Variants in MIPOL1 observed in about 807,000 individuals in gnomAD.
The protein encoded by MIPOL1 is mirror-image polydactyly 1.
MIPOL1 carries 57 observed loss-of-function variants against 60.9 expected under a neutral mutation model. The ratio of observed to expected loss-of-function variants is 0.94; its 90% CI spans 0.76 to 1.17. The LOEUF (loss-of-function observed/expected upper bound fraction) is 1.17, where lower values mean the gene tolerates loss of function less well. Ranked by LOEUF, MIPOL1 falls within the 50% of genes most tolerant of loss-of-function variation. The pLI, the probability that MIPOL1 is intolerant of heterozygous loss-of-function variation, is 0.00. For synonymous variants in MIPOL1, 179 were observed against 168.8 expected (o/e 1.06, Z -0.47); for missense variants, 551 against 511.6 (o/e 1.08, Z -0.74).
chr14:37,202,464 G>A (rs947260031), intron 1 of MIPOL1, among the ~76,000 whole-genome samples: 1 of 151,724 alleles, frequency 6.6e-6, no homozygotes, highest in African/African-American at 2.4e-5. Context: ...CCCACACAAA[G>A]CAATTGTGTT....
intron 9 of MIPOL1, among the ~76,000 whole-genome samples, chr14:37,327,442 C>T (rs767772272): frequency 3.3e-5 from 5 of 152,072 alleles, no homozygotes; most frequent in African/African-American, 4.8e-5. Context: ...TGCATGCCAC[C>T]ACACCCGGCT....
At chr14:37,445,151 T>A (rs995238553) in intron 11 of MIPOL1, among the ~76,000 whole-genome samples, 1 of 152,152 alleles carries the variant, frequency 6.6e-6, no homozygotes, top group Non-Finnish European at 1.5e-5. Flanking sequence ...TGTTTGCAGA[T>A]GACATGATTG....
At chr14:37,342,939 CTAGT>C (rs1410493716) in intron 9 of MIPOL1, among the ~76,000 whole-genome samples, 6 of 148,742 alleles carry the variant, frequency 4.0e-5, no homozygotes, top group East Asian at 3.9e-4. Context: ...TATTAAATCT[CTAGT>C]TATTTATTTT....
At chr14:37,539,757 A>G (rs2095522355) in intron 12 of MIPOL1, among the ~76,000 whole-genome samples, 1 of 152,186 alleles carries the variant, frequency 6.6e-6, no homozygotes, top group Admixed American at 6.5e-5. Context: ...AGAAGAGCCA[A>G]TGAGGCTCTC....
At chr14:37,292,671 G>A (rs754115425) in intron 7 of MIPOL1, among the ~76,000 whole-genome samples, 9 of 151,748 alleles carry the variant, frequency 5.9e-5, no homozygotes, top group Non-Finnish European at 1.3e-4. Context: ...AGTAGCGATG[G>A]GGTTTCGCCA....
intron 10 of MIPOL1, among the ~76,000 whole-genome samples, chr14:37,393,948 A>T (rs1289012101): frequency 6.7e-6 from 1 of 148,956 alleles, no homozygotes; most frequent in African/African-American, 2.5e-5. Context: ...ACATATGATG[A>T]TGTTTGGCTT....
intron 9 of MIPOL1, among the ~76,000 whole-genome samples, chr14:37,317,813 G>A (rs1044081765): frequency 4.6e-5 from 7 of 152,092 alleles, no homozygotes; most frequent in African/African-American, 1.7e-4. Flanking sequence ...TTATGTGGTT[G>A]TATAGGAAAA....
At position 37,369,499 on chromosome 14, in the gene MIPOL1, A is replaced by C. The variant is rs781746226; in HGVS notation, c.829-18A>C. On this transcript the variant is annotated intron_variant, in intron 9 of 12. Coordinates refer to ENST00000684589, the MANE Select transcript of MIPOL1 (RefSeq NM_001388067.1). ...TGCTATAACTCCTTTACTTAATGGGATTCTTCCCCTGTGGCAGTGCAAACG... is the reference window on the plus strand; with the variant it reads ...TGCTATAACTCCTTTACTTAATGGGCTTCTTCCCCTGTGGCAGTGCAAACG... 23 of 1,591,438 alleles carry C rather than the reference A, an allele frequency of 1.4e-5. No homozygotes were observed. In the Admixed American group the frequency reaches 3.9e-4, roughly 27 times the overall value.
chr14:37,515,657 C>T (rs186573153), intron 12 of MIPOL1, among the ~76,000 whole-genome samples: 11 of 152,230 alleles, frequency 7.2e-5, no homozygotes, highest in Non-Finnish European at 1.3e-4. Flanking sequence ...AACTAATCTG[C>T]CTTCTTAGCT....
intron 12 of MIPOL1, among the ~76,000 whole-genome samples, chr14:37,510,033 A>G (rs1012443689): frequency 1.3e-5 from 2 of 151,860 alleles, no homozygotes; most frequent in African/African-American, 2.4e-5. Flanking sequence ...CACGTAGTCT[A>G]TATAGTCTAT....
chr14:37,304,428 T>A (rs2086612536), intron 7 of MIPOL1, among the ~76,000 whole-genome samples: 2 of 151,834 alleles, frequency 1.3e-5, no homozygotes, highest in Non-Finnish European at 2.9e-5. Flanking sequence ...TTTGCATTTG[T>A]ATACTTCAGC....
intron 1 of MIPOL1, among the ~76,000 whole-genome samples, chr14:37,214,500 C>T: frequency 6.6e-6 from 1 of 151,822 alleles, no homozygotes; most frequent in East Asian, 1.9e-4. Context: ...CGAGCTGTTC[C>T]AGTATAATAA....
chr14:37,427,500 A>G (rs2153556269), intron 11 of MIPOL1, among the ~76,000 whole-genome samples: 1 of 152,286 alleles, frequency 6.6e-6, no homozygotes, highest in South Asian at 2.1e-4. Flanking sequence ...AATGGTGACA[A>G]TTGTACAATA....
At chr14:37,327,773 G>A (rs1420802696) in intron 9 of MIPOL1, among the ~76,000 whole-genome samples, 1 of 152,138 alleles carries the variant, frequency 6.6e-6, no homozygotes, top group Non-Finnish European at 1.5e-5. Context: ...CTTTTTAAAA[G>A]AAACTATTAT....
At chr14:37,523,728 C>T (rs908063248) in intron 12 of MIPOL1, among the ~76,000 whole-genome samples, 3 of 152,128 alleles carry the variant, frequency 2.0e-5, no homozygotes, top group African/African-American at 4.8e-5. Context: ...CTTGACCTCA[C>T]TGTACCTTGA....
chr14:37,237,265 C>G (rs570922795), intron 1 of MIPOL1, among the ~76,000 whole-genome samples: 1 of 152,180 alleles, frequency 6.6e-6, no homozygotes, highest in African/African-American at 2.4e-5. Flanking sequence ...TCAGCACAGA[C>G]ATGCACAACA....
intron 3 of MIPOL1, among the ~76,000 whole-genome samples, chr14:37,256,431 A>G (rs1459061588): frequency 6.6e-6 from 1 of 151,956 alleles, no homozygotes; most frequent in African/African-American, 2.4e-5. Context: ...AAGTGGAAAG[A>G]AGTTATAATT....
At chr14:37,406,246 A>G (rs978746179) in intron 10 of MIPOL1, among the ~76,000 whole-genome samples, 1 of 152,150 alleles carries the variant, frequency 6.6e-6, no homozygotes, top group Non-Finnish European at 1.5e-5. Context: ...GAAATGGTAT[A>G]GAAGAAATTC....
intron 1 of MIPOL1, among the ~76,000 whole-genome samples, chr14:37,202,838 T>A (rs1965540968): frequency 6.6e-6 from 1 of 152,168 alleles, no homozygotes; most frequent in South Asian, 2.1e-4. Flanking sequence ...CTGGTTGCAG[T>A]TTTTAGATAC....
Sources: allele counts gnomAD v4.1 joint callset (sites outside exome capture counted in the v4.1 genomes callset), GRCh38; gene constraint gnomAD v4.1.1; transcripts MANE v1.5; gene names NCBI Gene and HGNC (gene_info 2026-07-23, HGNC 2026-07-21).